Variants in HSD17B10 observed in about 807,000 individuals in gnomAD.
HSD17B10 encodes hydroxysteroid 17-beta dehydrogenase 10, also known as 3-hydroxyacyl-CoA dehydrogenase type-2.
For synonymous variants in HSD17B10, 90 were observed against 85.9 expected, an observed-to-expected ratio of 1.05 and a Z score of -0.26; for missense variants, 87 against 219.4, an observed-to-expected ratio of 0.40 and a Z score of 3.81.
rs958189194 is a variant in HSD17B10, at chrX:53,431,264, G to A, written c.*140C>T. The A allele has an allele frequency of 1.5e-5, 10 of 655,351 alleles. No homozygotes were observed. Among genetic ancestry groups the A allele is most frequent in the African/African-American group, 2.2e-5 (1 of 45,592 alleles). 54.0% of individuals were successfully genotyped at this position (655,351 alleles called of 1,213,427 possible). The stretch of plus-strand genomic sequence containing the variant: ...GCACACAACACTGCCTACACTCTGT[G>A]AGAAAAAGAGACTTTATTAGGCACA... On this transcript the variant is annotated 3_prime_UTR_variant, in exon 6 of 6. Coordinates refer to ENST00000168216, the MANE Select transcript of HSD17B10 (RefSeq NM_004493.3).
At position 53,433,756 on chromosome X, in the gene HSD17B10, T is replaced by G; in HGVS notation, c.158A>C (p.Lys53Thr). The part of the protein sequence containing the change: ...PNSGGEAQAK[K>T]LGNNCVFAPA... ...GGCGAAAACGCAGTTGTTTCCTAACTTCTTGGCTTGGGCCTCCCCACCCGA... is the reference window on the plus strand; with the variant it reads ...GGCGAAAACGCAGTTGTTTCCTAACGTCTTGGCTTGGGCCTCCCCACCCGA... Residue 53 changes from lysine (K) to threonine (T), a missense_variant, in exon 2 of 6, where the codon AAG becomes ACG. Physicochemically the swap from Lys to Thr is moderately conservative, Grantham distance 78. Transcript: ENST00000168216. The G allele has an allele frequency of 8.3e-7, 1 of 1,208,864 alleles. No individual in the cohort carries two copies. Among genetic ancestry groups the G allele is most frequent in the Non-Finnish European group, 1.1e-6 (1 of 893,955 alleles).
chrX:53,434,355 G>A lies in HSD17B10; in HGVS notation c.-10C>T, dbSNP rs782653444. The A allele has an allele frequency of 2.2e-5, 26 of 1,166,555 alleles. 1 individual carries two copies. The South Asian group carries it at 4.4e-4, about 20-fold the overall frequency. ...GACACGCTGCTGCCATCTTGTCGCCGGCCACTCCACGGGATGGGGATGGGG... is the reference window on the plus strand; with the variant it reads ...GACACGCTGCTGCCATCTTGTCGCCAGCCACTCCACGGGATGGGGATGGGG... On this transcript the variant is annotated 5_prime_UTR_variant, in exon 1 of 6. Coordinates refer to ENST00000168216, the MANE Select transcript of HSD17B10 (RefSeq NM_004493.3).
rs782609456 is a variant in HSD17B10, at chrX:53,431,919, T to G, written c.487-13A>C. 2.5e-6 allele frequency: 3 copies of G among 1,205,902 alleles called. No homozygotes were observed. Among genetic ancestry groups the G allele is most frequent in the East Asian group, 5.9e-5 (2 of 33,716 alleles). On this transcript the variant is annotated splice_polypyrimidine_tract_variant and intron_variant, in intron 4 of 5. Transcript: ENST00000168216. ...CAGCTTGTCCAACCTGGAGAAAGAG[T>G]AGAAGTCATAGGTGGGAGGGCCCCA...
At position 53,434,326 on chromosome X, in the gene HSD17B10, C is replaced by G. The variant is rs1327860796; in HGVS notation, c.20G>C (p.Ser7Thr). 2 of 1,167,179 alleles carry G rather than the reference C, an allele frequency of 1.7e-6. No individual in the cohort carries two copies. The highest frequency in any genetic ancestry group is 2.3e-6 in the Non-Finnish European group (2 of 873,084). ...AGGCAAAGAACCTTCTACCTTCACG[C>G]TCCGACACGCTGCTGCCATCTTGTC... MAAACR[S>T]VKGLVAVITG... The change falls in exon 1 of 6, where the codon AGC (serine) becomes ACC (threonine). Residue 7 changes from serine to threonine, a missense_variant. Physicochemically the swap from Ser to Thr is moderately conservative, Grantham distance 58. Coordinates refer to ENST00000168216, the MANE Select transcript of HSD17B10 (RefSeq NM_004493.3).
chrX:53,434,326 C>A lies in HSD17B10; in HGVS notation c.20G>T (p.Ser7Ile), dbSNP rs1327860796. The A allele has an allele frequency of 8.6e-7, 1 of 1,168,628 alleles. No individual in the cohort carries two copies. Among genetic ancestry groups the A allele is most frequent in the African/African-American group, 1.8e-5 (1 of 56,475 alleles). Residue 7 changes from serine to isoleucine, a missense_variant, in exon 1 of 6, where the codon AGC (serine) becomes ATC (isoleucine). Coordinates refer to ENST00000168216, the MANE Select transcript of HSD17B10 (RefSeq NM_004493.3). MAAACR[S>I]VKGLVAVITG... is the part of the protein sequence containing the mutation. ...AGGCAAAGAACCTTCTACCTTCACG[C>A]TCCGACACGCTGCTGCCATCTTGTC...
In HSD17B10 at chrX:53,432,080, C is replaced by T; in HGVS notation, c.394G>A (p.Val132Met). 8 of 1,211,526 alleles carry T rather than the reference C, an allele frequency of 6.6e-6. No individual in the cohort carries two copies. The highest frequency in any genetic ancestry group is 8.9e-6 in the Non-Finnish European group (8 of 895,383). ...LMGTFNVIRL[V>M]AGEMGQNEPD... ...TCATTCTGGCCCATCTCACCAGCCA[C>T]CAGGCGGATCACATTGAAGGTGCCC... Residue 132 changes from valine (V) to methionine (M), a missense_variant, in exon 4 of 6, where the codon GTG (valine) becomes ATG (methionine). Physicochemically the swap from Val to Met is conservative, Grantham distance 21. Transcript: ENST00000168216.
chrX:53,434,364 A>G lies in HSD17B10; in HGVS notation c.-19T>C. 8.6e-7 allele frequency: 1 copy of G among 1,167,221 alleles called. No homozygotes were observed. Among genetic ancestry groups the G allele is most frequent in the Non-Finnish European group, 1.1e-6 (1 of 872,593 alleles). On this transcript the variant is annotated 5_prime_UTR_variant, in exon 1 of 6. Coordinates refer to ENST00000168216, the MANE Select transcript of HSD17B10 (RefSeq NM_004493.3). ...CTGCCATCTTGTCGCCGGCCACTCC[A>G]CGGGATGGGGATGGGGGCGCGGGCG...
Position 53,431,539 on chromosome X carries a change from C to A in HSD17B10, c.651G>T (p.Leu217Phe). The change falls in exon 6 of 6, where the codon TTG becomes TTT. Residue 217 changes from leucine to phenylalanine, a missense_variant. Coordinates refer to ENST00000168216, the MANE Select transcript of HSD17B10 (RefSeq NM_004493.3). ...TSLPEKVCNFLASQVPFPSRL... is the reference protein window; with the variant it reads ...TSLPEKVCNFFASQVPFPSRL... The stretch of plus-strand genomic sequence containing the variant: ...GGCTAGGGAAGGGCACTTGGCTGGC[C>A]AAGAAGTTGCACACTTTCTCTGGGA... 8.3e-7 allele frequency: 1 copy of A among 1,210,255 alleles called. No homozygotes were observed. Among genetic ancestry groups the A allele is most frequent in the Non-Finnish European group, 1.1e-6 (1 of 894,539 alleles).
intron 4 of HSD17B10, 37 bp from the exon 5 acceptor site, chrX:53,431,943 C>T (rs1269812365): frequency 8.3e-7 from 1 of 1,208,510 alleles, no homozygotes; most frequent in Admixed American, 2.2e-5. Context: ...GGGAGGGCCC[C>T]AACAAGTCAC....
chrX:53,432,862 A>G (rs781824493), intron 2 of HSD17B10: 2 of 203,908 alleles, frequency 9.8e-6, no homozygotes, highest in African/African-American at 5.9e-5. Flanking sequence ...AAAAATTGAG[A>G]GAGTAGGTCA....
intron 1 of HSD17B10, 131 bp downstream of exon 1, chrX:53,434,188 C>T (rs2075836263): frequency 1.3e-6 from 1 of 786,476 alleles, no homozygotes; most frequent in African/African-American, 2.1e-5. Flanking sequence ...CTCTTGAGCC[C>T]AACGGCCACA....
chrX:53,432,345 C>T lies in HSD17B10; in HGVS notation c.259G>A (p.Val87Ile), dbSNP rs371014686. The T allele has an allele frequency of 8.1e-5, 98 of 1,208,262 alleles. No homozygotes were observed. Among genetic ancestry groups the T allele is most frequent in the Non-Finnish European group, 1.0e-4 (91 of 893,829 alleles). The change falls in exon 3 of 6, where the codon GTA (valine) becomes ATA (isoleucine). Residue 87 changes from valine (V) to isoleucine (I), a missense_variant. Coordinates refer to ENST00000168216, the MANE Select transcript of HSD17B10 (RefSeq NM_004493.3). ...GCGATGCCTGCACAGTTGACAGCTA[C>T]ATCCACACGGCCAAACTTTCCTTTT... is the stretch of plus-strand genomic sequence containing the variant. ...LAKGKFGRVD[V>I]AVNCAGIAVA...
intron 1 of HSD17B10, 200 bp from the exon 2 acceptor site, chrX:53,434,086 G>A (rs2146629550): frequency 1.8e-6 from 1 of 558,338 alleles, no homozygotes; most frequent in Non-Finnish European, 3.0e-6. Context: ...CAGACAGCCC[G>A]TCCCGTGACG....
At chrX:53,434,211 CAT>C in intron 1 of HSD17B10, 106 bp downstream of exon 1, 1 of 953,769 alleles carries the variant, frequency 1.0e-6, no homozygotes, top group Non-Finnish European at 1.5e-6. Flanking sequence ...ACCAGGCCTA[CAT>C]AAGCATGACC....
At position 53,433,777 on chromosome X, in the gene HSD17B10, C is replaced by T; in HGVS notation, c.137G>A (p.Gly46Asp). 2.5e-6 allele frequency: 3 copies of T among 1,210,193 alleles called. No individual in the cohort carries two copies. The highest frequency in any genetic ancestry group is 3.4e-6 in the Non-Finnish European group (3 of 894,505). The stretch of plus-strand genomic sequence containing the variant: ...TAACTTCTTGGCTTGGGCCTCCCCA[C>T]CCGAGTTGGGCAGGTCCAGAAGCAC... ...SAVLLDLPNSGGEAQAKKLGN... is the reference protein window; with the variant it reads ...SAVLLDLPNSDGEAQAKKLGN... Residue 46 changes from glycine to aspartate, a missense_variant, in exon 2 of 6, where the codon GGT (glycine) becomes GAT (aspartate). By Grantham distance (94) the Gly-to-Asp change is moderately conservative (BLOSUM62 -1). Transcript: ENST00000168216.
chrX:53,431,728 A>G (rs1556894539), intron 5 of HSD17B10, 70 bp downstream of exon 5: 2 of 1,034,987 alleles, frequency 1.9e-6, no homozygotes, highest in African/African-American at 3.7e-5. Flanking sequence ...GGTGGTGGAT[A>G]CCTTCCCCTC....
chrX:53,431,326 G>A lies in HSD17B10; in HGVS notation c.*78C>T, dbSNP rs2075823859. On this transcript the variant is annotated 3_prime_UTR_variant, in exon 6 of 6. Coordinates refer to ENST00000168216, the MANE Select transcript of HSD17B10 (RefSeq NM_004493.3). ...GTAGGCAGTTACAAAATGGCTACTG[G>A]GCTTCCTCCCAAGCTGGAGAGTAGT... The A allele has an allele frequency of 3.1e-6, 3 of 971,669 alleles. No homozygotes were observed. Among genetic ancestry groups the A allele is most frequent in the Admixed American group, 4.7e-5 (2 of 42,438 alleles). 80.1% of individuals were successfully genotyped at this position (971,669 alleles called of 1,213,427 possible). A position where few individuals can be genotyped will look rare whatever the true frequency, so the allele number is the denominator to read the frequency against.
At chrX:53,434,129 TAGAC>T (rs782178653) in intron 1 of HSD17B10, 186 bp downstream of exon 1, 370 of 565,174 alleles carry the variant, frequency 6.5e-4, no homozygotes, top group Admixed American at 1.5e-3. Flanking sequence ...GATAGATAGA[TAGAC>T]AGACAGACAG....
chrX:53,434,295 C>A, intron 1 of HSD17B10, 24 bp downstream of exon 1: 1 of 1,165,980 alleles, frequency 8.6e-7, no homozygotes, highest in Non-Finnish European at 1.1e-6. Context: ...GGAAGGCAAG[C>A]AACAGAGGCA....
Sources: allele counts gnomAD v4.1 joint callset, GRCh38; gene constraint gnomAD v4.1.1; transcripts MANE v1.5; gene names NCBI Gene and HGNC (gene_info 2026-07-23, HGNC 2026-07-21).